ACO2: variants seen among roughly 807,000 people sequenced by gnomAD.
ACO2 encodes aconitate hydratase, mitochondrial.
A neutral mutation model predicts 84.5 loss-of-function variants in ACO2; 31 were observed. That is an observed-to-expected ratio of 0.37 (90% confidence interval 0.28 to 0.50). The LOEUF (loss-of-function observed/expected upper bound fraction) is 0.50. Ranked by LOEUF, ACO2 falls within the 20% of genes least tolerant of loss-of-function variation. The probability of loss-of-function intolerance (pLI) is 0.97; values close to 1 mark genes in which losing one functional copy is unlikely to be tolerated. For missense variants in ACO2, 685 were observed against 1,029.3 expected, an observed-to-expected ratio of 0.67 and a Z score of 4.58; for synonymous variants, 414 against 412.7, an observed-to-expected ratio of 1.00 and a Z score of -0.04.
chr22:41,507,024 A>G (rs773036847), intron 2 of ACO2, among the ~76,000 whole-genome samples: 4 of 151,774 alleles, frequency 2.6e-5, no homozygotes, highest in Non-Finnish European at 1.5e-5. Flanking sequence ...TTGAGTCCTG[A>G]CAGGGCCGGA....
chr22:41,502,673 A>G (rs970217504), intron 2 of ACO2, among the ~76,000 whole-genome samples: 8 of 152,110 alleles, frequency 5.3e-5, no homozygotes, highest in Admixed American at 4.6e-4. Context: ...CAGTTGTGCA[A>G]TCTCGGCTCA....
In ACO2 at chr22:41,528,013, C is replaced by G; in HGVS notation, c.2199C>G (p.Thr733=). The change falls in exon 17 of 18, where the codon ACC becomes ACG. Residue 733 remains threonine, a synonymous_variant. Coordinates refer to ENST00000216254, the MANE Select transcript of ACO2 (RefSeq NM_001098.3). The part of the protein sequence containing the change: ...KLTIQGLKDF[T]PGKPLKCIIK... ...CCATTCAGGGCCTGAAGGACTTCAC[C>G]CCTGGCAAGGTTAGGGGCCCGGGTC... 6.2e-7 allele frequency: 1 copy of G among 1,614,146 alleles called. No individual in the cohort carries two copies. The highest frequency in any genetic ancestry group is 8.5e-7 in the Non-Finnish European group (1 of 1,180,024).
intron 3 of ACO2, among the ~76,000 whole-genome samples, chr22:41,510,840 ACCT>A (rs1430477212): frequency 5.3e-5 from 8 of 151,562 alleles, no homozygotes; most frequent in Non-Finnish European, 1.2e-4. Flanking sequence ...TTTGGCTGAA[ACCT>A]CCTTTTCAGA....
chr22:41,520,144 C>A, intron 8 of ACO2, 27 bp from the exon 9 acceptor site: 1 of 1,594,490 alleles, frequency 6.3e-7, no homozygotes, highest in Non-Finnish European at 8.6e-7. Context: ...TCCTCTCTTT[C>A]TTCTCCTTGC....
chr22:41,496,257 G>A lies in ACO2; in HGVS notation c.37-3469G>A, dbSNP rs77126454. On this transcript the variant is annotated intron_variant, in intron 1 of 17. Transcript: ENST00000216254. ...TTGAACCTGGGAGGCAGAAGTTGCC[G>A]TGAGCTGAGATCGTGCCACTACACT... Among the ~76,000 whole-genome samples the A allele has an allele frequency of 4.6e-5, 7 of 152,172 alleles. No homozygotes were observed. The East Asian group carries it at 5.8e-4, about 13-fold the overall frequency.
intron 17 of ACO2, 27 bp from the exon 18 acceptor site, chr22:41,528,452 C>A (rs1241078806): frequency 1.1e-5 from 17 of 1,609,694 alleles, no homozygotes; most frequent in Non-Finnish European, 1.4e-5. Flanking sequence ...CCCACCACTT[C>A]CACCCACACC....
At chr22:41,525,507 C>T (rs892996944) in intron 14 of ACO2, among the ~76,000 whole-genome samples, 159 bp downstream of exon 14, 2 of 152,312 alleles carry the variant, frequency 1.3e-5, no homozygotes, top group East Asian at 1.9e-4. Context: ...GGTATCGCAA[C>T]GCAGTCCAGC....
intron 2 of ACO2, among the ~76,000 whole-genome samples, chr22:41,502,946 G>A (rs534361384): frequency 2.8e-4 from 43 of 151,904 alleles, no homozygotes; most frequent in Non-Finnish European, 5.4e-4. Flanking sequence ...TTTAAAGATG[G>A]GCTGCCCAAG....
At chr22:41,494,885 C>T (rs374367738) in intron 1 of ACO2, among the ~76,000 whole-genome samples, 177 of 152,050 alleles carry the variant, frequency 1.2e-3, no homozygotes, top group African/African-American at 4.1e-3. Flanking sequence ...AGGCGTCTGC[C>T]ACCACACCCT....
chr22:41,488,750 A>C (rs78122461), intron 1 of ACO2, among the ~76,000 whole-genome samples: 63 of 152,306 alleles, frequency 4.1e-4, no homozygotes, highest in African/African-American at 1.5e-3. Flanking sequence ...CCATTCTGAC[A>C]TTGCTGTGCT....
At chr22:41,503,572 A>G (rs952163281) in intron 2 of ACO2, among the ~76,000 whole-genome samples, 1 of 151,758 alleles carries the variant, frequency 6.6e-6, no homozygotes, top group Admixed American at 6.6e-5. Flanking sequence ...CTTGTGATCC[A>G]CCCGCCTCAG....
rs566448948 is a variant in ACO2, at chr22:41,498,010, G to C, written c.37-1716G>C. Among the ~76,000 whole-genome samples, 10 of 152,318 alleles carry C rather than the reference G, an allele frequency of 6.6e-5. No homozygotes were observed. In the South Asian group the frequency reaches 1.7e-3, roughly 25 times the overall value. ...AATACAAAAATTAGCTGGGCATGGT[G>C]GTGGGTGCCTGTAGTCCCAGCTACG... On this transcript the variant is annotated intron_variant, in intron 1 of 17. Coordinates refer to ENST00000216254, the MANE Select transcript of ACO2 (RefSeq NM_001098.3).
At position 41,517,528 on chromosome 22, in the gene ACO2, C is replaced by T; in HGVS notation, c.837C>T (p.Gly279=). Residue 279 remains glycine, a splice_region_variant and synonymous_variant, in exon 7 of 18, where the codon GGC becomes GGT. Transcript: ENST00000216254. ...GCCCGGGGCTCTGTTGCTCCACAGG[C>T]ATGGCGACAATCTGCAACATGGGTG... ...GPGVDSISCT[G]MATICNMGAE... The T allele has an allele frequency of 6.2e-7, 1 of 1,613,624 alleles. No homozygotes were observed. The highest frequency in any genetic ancestry group is 8.5e-7 in the Non-Finnish European group (1 of 1,179,890).
chr22:41,493,083 G>C (rs1030759012), intron 1 of ACO2, among the ~76,000 whole-genome samples: 16 of 152,200 alleles, frequency 1.1e-4, no homozygotes, highest in African/African-American at 3.9e-4. Context: ...AAGAGAGAGG[G>C]GAGGAAGGGG....
chr22:41,476,435 C>T (rs1384254092), intron 1 of ACO2, among the ~76,000 whole-genome samples: 1 of 142,816 alleles, frequency 7.0e-6, no homozygotes, highest in African/African-American at 2.6e-5. Context: ...AGGCCAGACG[C>T]AGTGGCTCAC....
At chr22:41,478,013 C>T (rs531666809) in intron 1 of ACO2, among the ~76,000 whole-genome samples, 4 of 151,674 alleles carry the variant, frequency 2.6e-5, no homozygotes, top group East Asian at 1.9e-4. Context: ...TGCAGTGAGC[C>T]GAGATCACGC....
intron 1 of ACO2, among the ~76,000 whole-genome samples, chr22:41,483,023 T>C (rs1336806741): frequency 6.6e-6 from 1 of 152,178 alleles, no homozygotes; most frequent in Admixed American, 6.5e-5. Context: ...AGGGGGCTTA[T>C]GGGAGTTGAT....
In ACO2 at chr22:41,499,121, G is replaced by A. The variant is rs185535999; in HGVS notation, c.37-605G>A. Among the ~76,000 whole-genome samples, 77 of 151,894 alleles carry A rather than the reference G, an allele frequency of 5.1e-4. 1 individual carries two copies. Among genetic ancestry groups the A allele is most frequent in the Middle Eastern group, 6.9e-3 (2 of 290 alleles). ...AAAAAAAAAAAAGGAAGGGAATTAG[G>A]CACCACCTTTTGAAGGGATGAGGAA... On this transcript the variant is annotated intron_variant, in intron 1 of 17. Transcript: ENST00000216254.
Position 41,469,373 on chromosome 22 carries a change from C to G in ACO2, c.36+191C>G. The G allele has an allele frequency of 8.6e-6, 5 of 583,060 alleles. No individual in the cohort carries two copies. The South Asian group carries it at 1.2e-4, about 15-fold the overall frequency. 36.1% of individuals were successfully genotyped at this position (583,060 alleles called of 1,614,324 possible). ...GTCAAGGCGTCCCCGGCACAGTCAGCTTTCCTGGCCCTGTCCCTGCCTCGC... is the reference window on the plus strand; with the variant it reads ...GTCAAGGCGTCCCCGGCACAGTCAGGTTTCCTGGCCCTGTCCCTGCCTCGC... On this transcript the variant is annotated intron_variant, in intron 1 of 17. Transcript: ENST00000216254.
Sources: gnomAD v4.1 joint callset for allele counts (sites outside exome capture counted in the v4.1 genomes callset) on GRCh38, gnomAD v4.1.1 for gene constraint, MANE v1.5 for transcripts, NCBI Gene and HGNC (gene_info 2026-07-23, HGNC 2026-07-21) for gene names.